Variants in PDE9A observed in about 807,000 individuals in gnomAD.
PDE9A encodes the protein high affinity cGMP-specific 3',5'-cyclic phosphodiesterase 9A.
PDE9A carries 60 observed loss-of-function variants against 87.4 expected under a neutral mutation model. The ratio of observed to expected loss-of-function variants is 0.69; its 90% CI spans 0.56 to 0.85. The LOEUF is 0.85. PDE9A is among the 40% of genes least tolerant of loss of function. The pLI, the probability that PDE9A is intolerant of heterozygous loss-of-function variation, is 0.00. For synonymous variants in PDE9A, 272 were observed against 279.4 expected (o/e 0.97, Z 0.27); for missense variants, 665 against 779.0 (o/e 0.85, Z 1.74).
intron 1 of PDE9A, among the ~76,000 whole-genome samples, chr21:42,666,163 G>C (rs1012695861): frequency 1.3e-5 from 2 of 151,984 alleles, no homozygotes; most frequent in African/African-American, 4.8e-5. Context: ...GTGGTCATTC[G>C]TGCAGTGGGC....
In PDE9A at chr21:42,688,006, C is replaced by CGGCCGCGCTCCTCGGGGTGA; in HGVS notation, c.218+31_218+32insAGGCCGCGCTCCTCGGGGTG. On this transcript the variant is annotated intron_variant, in intron 3 of 19. Coordinates refer to ENST00000291539, the MANE Select transcript of PDE9A (RefSeq NM_002606.3). Reference sequence around the variant, plus strand: ...GCGAATTCAGAACGGTAAGAGGCTCCGGCCGCGCTCCTCGGGGTGTGCCTG... The same window carrying CGGCCGCGCTCCTCGGGGTGA: ...GCGAATTCAGAACGGTAAGAGGCTCCGGCCGCGCTCCTCGGGGTGAGGCCGCGCTCCTCGGGGTGTGCCTG... 4 of 1,608,352 alleles carry CGGCCGCGCTCCTCGGGGTGA rather than the reference C, an allele frequency of 2.5e-6. No homozygotes were observed. The highest frequency in any genetic ancestry group is 3.4e-6 in the Non-Finnish European group (4 of 1,177,168).
Position 42,670,409 on chromosome 21 carries a change from TACATTCACACGCACTTA to T in PDE9A, c.70-15782_70-15766del, listed in dbSNP as rs1569118478. 7.4e-3 allele frequency among the ~76,000 whole-genome samples: 740 copies of T among 99,596 alleles called. 1 individual carries two copies. The highest frequency in any genetic ancestry group is 0.066 in the African/African-American group (644 of 9,714). 65.3% of individuals were successfully genotyped at this position (99,596 alleles called of 152,430 possible). On this transcript the variant is annotated intron_variant, in intron 1 of 19. Coordinates refer to ENST00000291539, the MANE Select transcript of PDE9A (RefSeq NM_002606.3). ...ATTTACATTCACAAACATTCACACA[TACATTCACACGCACTTA>T]CAGTCACACATACACTTATACACAG... is the stretch of plus-strand genomic sequence containing the variant.
At position 42,675,436 on chromosome 21, in the gene PDE9A, C is replaced by G. The variant is rs1460764023; in HGVS notation, c.70-10756C>G. Among the ~76,000 whole-genome samples, 1 of 152,232 alleles carries G rather than the reference C, an allele frequency of 6.6e-6. No homozygotes were observed. The highest frequency in any genetic ancestry group is 1.5e-5 in the Non-Finnish European group (1 of 68,044). On this transcript the variant is annotated intron_variant, in intron 1 of 19. Transcript: ENST00000291539. This position sits in a 1 kb window ranked among gnomAD's most constrained non-coding sequence, Gnocchi z 4.3. Reference sequence around the variant, plus strand: ...TGCAGTGGAGATTAGATTAGATCGTCCGTGGAAAGCACCAGAATGGTGCCT... The same window carrying G: ...TGCAGTGGAGATTAGATTAGATCGTGCGTGGAAAGCACCAGAATGGTGCCT...
At chr21:42,653,940 C>T (rs996075019) in intron 1 of PDE9A, 57 bp downstream of exon 1, 3 of 1,055,794 alleles carry the variant, frequency 2.8e-6, no homozygotes, top group African/African-American at 1.7e-5. Context: ...GCGCCGGGGC[C>T]GGGCGCGGCG....
chr21:42,657,812 C>G (rs2057198121), intron 1 of PDE9A, among the ~76,000 whole-genome samples: 1 of 152,246 alleles, frequency 6.6e-6, no homozygotes, highest in Non-Finnish European at 1.5e-5. Flanking sequence ...CCCCTCGGGA[C>G]ACTCGCACTG....
chr21:42,768,545 T>G (rs2056617453), intron 16 of PDE9A: 1 of 1,288,748 alleles, frequency 7.8e-7, no homozygotes. Context: ...ATTGAGCCAT[T>G]ATTACAAGCA....
chr21:42,693,193 G>A (rs1229291670), intron 3 of PDE9A, among the ~76,000 whole-genome samples: 1 of 152,206 alleles, frequency 6.6e-6, no homozygotes, highest in African/African-American at 2.4e-5. Context: ...GTGCTTTCAG[G>A]CGTCCTAAGC....
intron 19 of PDE9A, among the ~76,000 whole-genome samples, chr21:42,774,057 T>C (rs112022809): frequency 0.015 from 2,325 of 151,910 alleles, 48 homozygotes; most frequent in African/African-American, 0.051. Flanking sequence ...CCAGCCTGGG[T>C]GACAGAGCGA....
intron 4 of PDE9A, among the ~76,000 whole-genome samples, chr21:42,715,884 T>TCAG (rs1555919703): frequency 1.3e-5 from 2 of 151,706 alleles, no homozygotes; most frequent in African/African-American, 2.4e-5. Flanking sequence ...ATCGGTTCAC[T>TCAG]GCCTTCAAAA....
rs1442916750 is a variant in PDE9A, at chr21:42,739,889, G to A, written c.569-3887G>A. On this transcript the variant is annotated intron_variant, in intron 7 of 19. Transcript: ENST00000291539. This position sits in a 1 kb window ranked among gnomAD's most constrained non-coding sequence, Gnocchi z 4.1. The stretch of plus-strand genomic sequence containing the variant: ...GAAGCCCTTGGTATTTATTTATCCT[G>A]CTCAGTATGATAAATAGCATTTTCC... Among the ~76,000 whole-genome samples the A allele has an allele frequency of 1.3e-5, 2 of 152,008 alleles. No individual in the cohort carries two copies. Among genetic ancestry groups the A allele is most frequent in the African/African-American group, 4.8e-5 (2 of 41,382 alleles).
intron 7 of PDE9A, among the ~76,000 whole-genome samples, chr21:42,740,671 TG>T (rs770924427): frequency 6.6e-6 from 1 of 150,828 alleles, no homozygotes; most frequent in Non-Finnish European, 1.5e-5. Flanking sequence ...TATAAATGGA[TG>T]GATGGATAGA....
chr21:42,716,133 A>C (rs959480429), intron 4 of PDE9A, among the ~76,000 whole-genome samples: 1 of 151,860 alleles, frequency 6.6e-6, no homozygotes, highest in African/African-American at 2.4e-5. Flanking sequence ...CCACTCACCT[A>C]TTGAAGAGCA....
rs1037451579 is a variant in PDE9A, at chr21:42,696,204, A to G, written c.219-2764A>G. Among the ~76,000 whole-genome samples, 2 of 152,132 alleles carry G rather than the reference A, an allele frequency of 1.3e-5. No homozygotes were observed. Among genetic ancestry groups the G allele is most frequent in the African/African-American group, 4.8e-5 (2 of 41,410 alleles). ...GTCTTGGTAAGCCTGTTTTTGTGTCAGGTCCCCAGGACACCTTCCTCTGAG... is the reference window on the plus strand; with the variant it reads ...GTCTTGGTAAGCCTGTTTTTGTGTCGGGTCCCCAGGACACCTTCCTCTGAG... On this transcript the variant is annotated intron_variant, in intron 3 of 19. Coordinates refer to ENST00000291539, the MANE Select transcript of PDE9A (RefSeq NM_002606.3). This position sits in a 1 kb window ranked among gnomAD's most constrained non-coding sequence, Gnocchi z 5.1.
In PDE9A at chr21:42,653,736, G is replaced by GCCCCC. The variant is rs2056818538; in HGVS notation, c.-78_-77insCCCCC. 6 of 369,122 alleles carry GCCCCC rather than the reference G, an allele frequency of 1.6e-5. No homozygotes were observed. The highest frequency in any genetic ancestry group is 3.6e-4 in the East Asian group (2 of 5,578). The allele number at this position is 369,122 out of a possible 1,614,324, so 22.9% of individuals were successfully genotyped here. On this transcript the variant is annotated 5_prime_UTR_variant, in exon 1 of 20. Coordinates refer to ENST00000291539, the MANE Select transcript of PDE9A (RefSeq NM_002606.3). ...CCGCCCCCCGCCCGCCCCCTCCCCT[G>GCCCCC]CTCCCCTCCCCCGCCTCCCGCGGCG... is the stretch of plus-strand genomic sequence containing the variant.
chr21:42,712,503 C>T (rs1262546842), intron 4 of PDE9A, among the ~76,000 whole-genome samples: 1 of 152,086 alleles, frequency 6.6e-6, no homozygotes, highest in African/African-American at 2.4e-5. Context: ...CAATTTTTGG[C>T]TTTTATTTCT....
chr21:42,687,711 A>G (rs2059552246), intron 2 of PDE9A, among the ~76,000 whole-genome samples: 1 of 152,148 alleles, frequency 6.6e-6, no homozygotes, highest in Non-Finnish European at 1.5e-5. Flanking sequence ...CGCACTTAGG[A>G]TTATACGCAG....
intron 1 of PDE9A, among the ~76,000 whole-genome samples, chr21:42,683,713 C>T (rs1041711195): frequency 2.6e-5 from 4 of 152,238 alleles, no homozygotes; most frequent in Admixed American, 1.3e-4. Flanking sequence ...ATTCCGTAAT[C>T]GCCCTCCCCT....
At chr21:42,768,559 T>G in intron 16 of PDE9A, 2 of 1,281,964 alleles carry the variant, frequency 1.6e-6, no homozygotes, top group South Asian at 2.4e-5. Context: ...ACAAGCAGCC[T>G]TGTCAAACAA....
intron 19 of PDE9A, among the ~76,000 whole-genome samples, chr21:42,773,923 T>C (rs1017062949): frequency 6.7e-6 from 1 of 149,180 alleles, no homozygotes; most frequent in African/African-American, 2.5e-5. Flanking sequence ...GCTAACACGG[T>C]GAAACCCTTC....
Sources: gnomAD v4.1 joint callset for allele counts (sites outside exome capture counted in the v4.1 genomes callset) on GRCh38, gnomAD v4.1.1 for gene constraint, Gnocchi (gnomAD v3.1) non-coding constraint, MANE v1.5 for transcripts, NCBI Gene and HGNC (gene_info 2026-07-23, HGNC 2026-07-21) for gene names.